Variants in OTOA observed in about 807,000 individuals in gnomAD.
OTOA encodes the protein cancer/testis antigen 108.
Under a neutral mutation model 110.8 loss-of-function variants are expected in OTOA, and 70 were observed. That is an observed-to-expected ratio of 0.63 (90% CI 0.52 to 0.77). The LOEUF is 0.77. Among genes scored for constraint, OTOA ranks in the 30% least tolerant of loss-of-function variants. OTOA has a pLI of 0.00. For synonymous variants in OTOA, 373 were observed against 431.5 expected, an observed-to-expected ratio of 0.86 and a Z score of 1.68; for missense variants, 917 against 1,075.8, an observed-to-expected ratio of 0.85 and a Z score of 2.06.
chr16:21,726,428 C>G (rs1307598199), intron 18 of OTOA, 95 bp from the exon 19 acceptor site: 1 of 1,531,924 alleles, frequency 6.5e-7, no homozygotes, highest in Non-Finnish European at 9.0e-7. Context: ...TAAAGAATGT[C>G]TTTGGGATGA....
intron 6 of OTOA, chr16:21,684,657 C>A: frequency 1.2e-6 from 1 of 826,446 alleles, no homozygotes; most frequent in South Asian, 1.9e-5. Context: ...GATGTGCGCC[C>A]GGTGTTGCCA....
chr16:21,685,251 G>T lies in OTOA; in HGVS notation c.289G>T (p.Glu97Ter). 1 of 1,612,456 alleles carries T rather than the reference G, an allele frequency of 6.2e-7. No homozygotes were observed. The highest frequency in any genetic ancestry group is 1.1e-5 in the South Asian group (1 of 90,996). The change falls in exon 7 of 29, where the codon GAG (glutamate) becomes TAG (stop). Residue 97 changes from glutamate to a stop codon, truncating the protein, a stop_gained. Transcript: ENST00000646100. LOFTEE classifies it high-confidence loss of function. The part of the protein sequence containing the change: ...SLQAAVENHL[E>*]QRLHQPQKLL... The stretch of plus-strand genomic sequence containing the variant: ...ACAGGCAGCCGTGGAAAACCACCTG[G>T]AGCAGCGTCTGCACCAGCCCCAGAA...
intron 13 of OTOA, among the ~76,000 whole-genome samples, chr16:21,714,312 C>CCTTCCTTCCTTT (rs1898459023): frequency 8.1e-6 from 1 of 123,936 alleles, no homozygotes; most frequent in African/African-American, 2.9e-5. Context: ...TTCCTTCCTT[C>CCTTCCTTCCTTT]CTTCCTTCCT....
At chr16:21,727,843 A>G (rs1354626068) in intron 19 of OTOA, among the ~76,000 whole-genome samples, 1 of 151,638 alleles carries the variant, frequency 6.6e-6, no homozygotes, top group Non-Finnish European at 1.5e-5. Context: ...GGAATCTTTA[A>G]GAAGTTTGGG....
chr16:21,729,545 G>A (rs558267953), intron 20 of OTOA: 1 of 152,124 alleles, frequency 6.6e-6, no homozygotes, highest in African/African-American at 2.4e-5. Flanking sequence ...TTTACATTAG[G>A]ATTCACTCTT....
intron 24 of OTOA, among the ~76,000 whole-genome samples, chr16:21,750,087 G>C (rs1350119031): frequency 9.0e-4 from 137 of 152,352 alleles, no homozygotes; most frequent in African/African-American, 2.7e-3. Context: ...GTTACAAGTG[G>C]CAGAAAACCC....
rs771072202 is a variant in OTOA, at chr16:21,722,889, C to G, written c.1807-16C>G. The G allele has an allele frequency of 2.5e-6, 4 of 1,611,524 alleles. No homozygotes were observed. The highest frequency in any genetic ancestry group is 2.5e-6 in the Non-Finnish European group (3 of 1,177,650). ...TTCTTACTGCATTAAATCCCCAGAA[C>G]TGCTTAATCTTTCAGGTTAATTGTT... On this transcript the variant is annotated splice_polypyrimidine_tract_variant and intron_variant, in intron 17 of 28. Transcript: ENST00000646100.
In OTOA at chr16:21,693,196, A is replaced by C. The variant is rs534574476; in HGVS notation, c.739+1509A>C. ...GGAGAATCACTTGAGCCCGGGAGGC[A>C]GAACTTGCAGTGAGCTGGGATTGTG... is the stretch of plus-strand genomic sequence containing the variant. On this transcript the variant is annotated intron_variant, in intron 9 of 28. Transcript: ENST00000646100. 1.9e-3 allele frequency among the ~76,000 whole-genome samples: 283 copies of C among 152,298 alleles called. 1 individual carries two copies. Among genetic ancestry groups the C allele is most frequent in the African/African-American group, 6.2e-3 (259 of 41,574 alleles).
chr16:21,718,333 G>C (rs1312727158), intron 15 of OTOA, among the ~76,000 whole-genome samples: 2 of 152,088 alleles, frequency 1.3e-5, no homozygotes, highest in African/African-American at 4.8e-5. Context: ...TGAGCTGATG[G>C]GATTGCTGTT....
chr16:21,700,619 G>A (rs1215043918), intron 10 of OTOA, among the ~76,000 whole-genome samples: 6 of 151,498 alleles, frequency 4.0e-5, no homozygotes, highest in African/African-American at 1.2e-4. Context: ...CAGCTACTCC[G>A]GAGGCTGAGG....
chr16:21,696,301 A>G (rs1897939715), intron 9 of OTOA, among the ~76,000 whole-genome samples: 1 of 152,078 alleles, frequency 6.6e-6, no homozygotes. Flanking sequence ...GGGAGAAAGT[A>G]CTTCTCGTGA....
chr16:21,744,343 C>T (rs1470198559), intron 23 of OTOA, among the ~76,000 whole-genome samples: 6 of 151,978 alleles, frequency 3.9e-5, no homozygotes, highest in East Asian at 3.9e-4. Context: ...GGCAGGGTTT[C>T]GTTATGTTGG....
intron 10 of OTOA, 39 bp from the exon 11 acceptor site, chr16:21,700,849 C>T: frequency 6.2e-7 from 1 of 1,613,056 alleles, no homozygotes; most frequent in Non-Finnish European, 8.5e-7. Flanking sequence ...GCCACTTCCA[C>T]CCTCCTCACT....
In OTOA at chr16:21,700,910, A is replaced by G. The variant is rs569686799; in HGVS notation, c.863A>G (p.Asp288Gly). 3.1e-6 allele frequency: 5 copies of G among 1,613,954 alleles called. No homozygotes were observed. The East Asian group carries it at 1.1e-4, about 36-fold the overall frequency. Residue 288 changes from aspartate to glycine, a missense_variant, in exon 11 of 29, where the codon GAC (aspartate) becomes GGC (glycine). Around this residue, in one of 6 missense-constraint regions of OTOA, gnomAD observed 840 missense variants for 910.2 expected, o/e 0.92. Transcript: ENST00000646100. ...PIEIGLFISY[D>G]NATKQLDMVY... ...TAGATTGGGCTGTTTATCAGCTATG[A>G]CAACGCCACCAAGCAGCTGGACATG...
intron 17 of OTOA, among the ~76,000 whole-genome samples, chr16:21,722,367 A>G (rs1898781499): frequency 6.9e-6 from 1 of 144,316 alleles, no homozygotes; most frequent in Non-Finnish European, 1.5e-5. Flanking sequence ...TATATAGTTA[A>G]GCTATATATA....
chr16:21,668,782 T>G (rs1275718846), intron 1 of OTOA, among the ~76,000 whole-genome samples: 1 of 152,066 alleles, frequency 6.6e-6, no homozygotes, highest in Non-Finnish European at 1.5e-5. Flanking sequence ...TGAATCAGGA[T>G]CCAAATAAAG....
rs1898991728 is a variant in OTOA, at chr16:21,728,303, G to A, written c.2079G>A (p.Pro693=). The A allele has an allele frequency of 3.1e-6, 5 of 1,614,142 alleles. No homozygotes were observed. Among genetic ancestry groups the A allele is most frequent in the South Asian group, 1.1e-5 (1 of 91,082 alleles). The change falls in exon 20 of 29, where the codon CCG becomes CCA. Residue 693 remains proline, a synonymous_variant. Transcript: ENST00000646100. ...TGGGGAACCTGCTGTGTCACTTGCCGGCAGCCATCATCGACAGGGGGATCT... is the reference window on the plus strand; with the variant it reads ...TGGGGAACCTGCTGTGTCACTTGCCAGCAGCCATCATCGACAGGGGGATCT... ...DIMGNLLCHL[P]AAIIDRGISP... is the part of the protein sequence containing the mutation.
chr16:21,720,994 C>A (rs149171793), intron 17 of OTOA, among the ~76,000 whole-genome samples: 3,540 of 151,402 alleles, frequency 0.023, 74 homozygotes, highest in Non-Finnish European at 0.033. Flanking sequence ...AATCTCACTG[C>A]AACCTCCGCC....
At position 21,667,600 on chromosome 16, in the gene OTOA, T is replaced by TA. The variant is rs199562813; in HGVS notation, c.-5+3381dup. On this transcript the variant is annotated intron_variant, in intron 1 of 28. Coordinates refer to ENST00000646100, the MANE Select transcript of OTOA (RefSeq NM_144672.4). Reference sequence around the variant, plus strand: ...TGGGTAACAGAGAGAGACTCTGTCTTAAAAAAAAAAAAACAATTAAATAAA... The same window carrying TA: ...TGGGTAACAGAGAGAGACTCTGTCTTAAAAAAAAAAAAAACAATTAAATAAA... 3.1e-3 allele frequency among the ~76,000 whole-genome samples: 434 copies of TA among 139,562 alleles called. 1 individual carries two copies. The highest frequency in any genetic ancestry group is 5.7e-3 in the East Asian group (28 of 4,904). The allele number at this position is 139,562 out of a possible 152,430, so 91.6% of individuals were successfully genotyped here. A position where few individuals can be genotyped will look rare whatever the true frequency, so the allele number is the denominator to read the frequency against.
Sources: gnomAD v4.1 joint callset for allele counts (sites outside exome capture counted in the v4.1 genomes callset) on GRCh38, gnomAD v4.1.1 for gene constraint, gnomAD v4.1.1 regional missense constraint, MANE v1.5 for transcripts, NCBI Gene and HGNC (gene_info 2026-07-23, HGNC 2026-07-21) for gene names.